UBR1: variants seen among roughly 807,000 people sequenced by gnomAD.
UBR1 encodes E3 ubiquitin-protein ligase UBR1.
In UBR1, 102 loss-of-function variants were observed where a neutral mutation model predicts 242.1. The observed-to-expected ratio is 0.42, with a 90% confidence interval of 0.36 to 0.50. The LOEUF is 0.50. UBR1 is among the 20% of genes least tolerant of loss of function. The pLI, the probability that UBR1 is intolerant of heterozygous loss-of-function variation, is 0.01. For synonymous variants in UBR1, 675 were observed against 684.8 expected, an observed-to-expected ratio of 0.99 and a Z score of 0.22; for missense variants, 1,772 against 2,101.8, an observed-to-expected ratio of 0.84 and a Z score of 3.07.
chr15:42,976,335 A>G (rs138107016), intron 39 of UBR1, among the ~76,000 whole-genome samples: 7 of 152,326 alleles, frequency 4.6e-5, no homozygotes, highest in Non-Finnish European at 8.8e-5. Flanking sequence ...GATAAATGCT[A>G]CAAGGGGAAG....
Position 43,028,148 on chromosome 15 carries a change from TTATG to T in UBR1, c.2380-324_2380-321del, listed in dbSNP as rs1411880266. Among the ~76,000 whole-genome samples, 4 of 152,188 alleles carry T rather than the reference TTATG, an allele frequency of 2.6e-5. No homozygotes were observed. The East Asian group carries it at 7.7e-4, about 29-fold the overall frequency. The stretch of plus-strand genomic sequence containing the variant: ...TACTTCAAAGAAAAGAAGCTCTTCT[TTATG>T]TAGTATGTTCATCACCCTCATCATT... On this transcript the variant is annotated intron_variant, in intron 21 of 46. Coordinates refer to ENST00000290650, the MANE Select transcript of UBR1 (RefSeq NM_174916.3).
chr15:43,026,692 T>C (rs2033182411), intron 22 of UBR1, 29 bp from the exon 23 acceptor site: 2 of 1,552,702 alleles, frequency 1.3e-6, no homozygotes, highest in Non-Finnish European at 1.8e-6. Context: ...CAAGATGAAC[T>C]GCAGTGTTCT....
At chr15:43,030,218 GAAT>G (rs1303090014) in intron 20 of UBR1, 150 bp from the exon 21 acceptor site, 44 of 907,308 alleles carry the variant, frequency 4.8e-5, no homozygotes, top group Non-Finnish European at 6.5e-5. Flanking sequence ...TCCCAAATCT[GAAT>G]AAGAATCTAT....
chr15:42,961,603 T>C (rs921360358), intron 42 of UBR1, among the ~76,000 whole-genome samples: 1 of 151,010 alleles, frequency 6.6e-6, no homozygotes, highest in African/African-American at 2.4e-5. Context: ...TTGTATTTCT[T>C]TTTTTTTAGT....
chr15:43,019,100 C>T (rs1208294073), intron 27 of UBR1, among the ~76,000 whole-genome samples: 1 of 151,636 alleles, frequency 6.6e-6, no homozygotes, highest in Non-Finnish European at 1.5e-5. Flanking sequence ...CTCGCTTTGT[C>T]GCCCACGCTG....
chr15:43,083,997 A>G (rs1400868651), intron 2 of UBR1, among the ~76,000 whole-genome samples: 4 of 152,098 alleles, frequency 2.6e-5, no homozygotes, highest in South Asian at 2.1e-4. Flanking sequence ...GTGAGCTGAG[A>G]TAGCGCCACT....
chr15:43,105,617 A>G (rs1272609109), intron 1 of UBR1, among the ~76,000 whole-genome samples: 2 of 152,170 alleles, frequency 1.3e-5, no homozygotes, highest in African/African-American at 4.8e-5. Flanking sequence ...TACTGCTTCT[A>G]TACGAAAATG....
At chr15:42,984,755 C>CT in intron 36 of UBR1, 132 bp downstream of exon 36, 1 of 806,826 alleles carries the variant, frequency 1.2e-6, no homozygotes, top group Non-Finnish European at 2.1e-6. Flanking sequence ...GATGCAGTTC[C>CT]TTTTTTCCCC....
intron 1 of UBR1, among the ~76,000 whole-genome samples, chr15:43,097,343 A>C (rs1044451164): frequency 1.6e-4 from 24 of 152,180 alleles, no homozygotes; most frequent in African/African-American, 5.6e-4. Context: ...CAACATACGC[A>C]GAGTAGCATA....
chr15:42,991,981 G>A lies in UBR1; in HGVS notation c.3758-1861C>T, dbSNP rs2141278008. 1.3e-5 allele frequency among the ~76,000 whole-genome samples: 2 copies of A among 151,964 alleles called. 1 individual carries two copies. Among genetic ancestry groups the A allele is most frequent in the East Asian group, 3.9e-4 (2 of 5,164 alleles). On this transcript the variant is annotated intron_variant, in intron 33 of 46. Coordinates refer to ENST00000290650, the MANE Select transcript of UBR1 (RefSeq NM_174916.3). ...TGCCCAGGCTGGTCTTGAATTCCTG[G>A]CCTCAAGTGATCTTCCTGCCTGAAC...
At position 43,071,120 on chromosome 15, in the gene UBR1, T is replaced by C. The variant is rs115864826; in HGVS notation, c.529-195A>G. ...TTAACCCCTTGTGGCCAAGTTGGTG[T>C]TACTGATGACAGAAAGGAGGCAGAA... On this transcript the variant is annotated intron_variant, in intron 4 of 46. Coordinates refer to ENST00000290650, the MANE Select transcript of UBR1 (RefSeq NM_174916.3). Among the ~76,000 whole-genome samples the C allele has an allele frequency of 8.6e-3, 1,316 of 152,320 alleles. 20 individuals carry two copies. Among genetic ancestry groups the C allele is most frequent in the African/African-American group, 0.03 (1,245 of 41,580 alleles).
intron 12 of UBR1, among the ~76,000 whole-genome samples, chr15:43,051,610 A>C (rs527767887): frequency 6.6e-6 from 1 of 152,226 alleles, no homozygotes; most frequent in Admixed American, 6.5e-5. Flanking sequence ...GCAGCTCCCC[A>C]GATGATTTGC....
intron 46 of UBR1, among the ~76,000 whole-genome samples, 183 bp downstream of exon 46, chr15:42,950,069 CCGCAAATGAT>C: frequency 6.6e-6 from 1 of 151,888 alleles, no homozygotes; most frequent in Non-Finnish European, 1.5e-5. Flanking sequence ...AAACTCCTGG[CCGCAAATGAT>C]CTGCCTGCTT....
At chr15:43,003,732 TAAG>T in intron 31 of UBR1, 102 bp downstream of exon 31, 1 of 1,042,204 alleles carries the variant, frequency 9.6e-7, no homozygotes, top group Admixed American at 1.8e-5. Flanking sequence ...ATTATTCAAA[TAAG>T]AAGAAAGGAA....
At chr15:43,010,039 T>C (rs894927741) in intron 29 of UBR1, among the ~76,000 whole-genome samples, 8 of 152,056 alleles carry the variant, frequency 5.3e-5, no homozygotes, top group Non-Finnish European at 7.4e-5. Flanking sequence ...GCCCAGCTAA[T>C]TTTTTTGTAT....
At chr15:42,961,584 G>A (rs537528808) in intron 42 of UBR1, among the ~76,000 whole-genome samples, 16 of 151,710 alleles carry the variant, frequency 1.1e-4, no homozygotes, top group Non-Finnish European at 2.1e-4. Context: ...CACCACGCCT[G>A]GCTAATTTTT....
chr15:42,977,764 C>A, intron 38 of UBR1, 116 bp downstream of exon 38: 11 of 869,100 alleles, frequency 1.3e-5, no homozygotes, highest in East Asian at 3.0e-5. Context: ...AGAGACCAAA[C>A]TTTATAGATT....
At position 42,990,039 on chromosome 15, in the gene UBR1, A is replaced by G; in HGVS notation, c.3839T>C (p.Val1280Ala). The G allele has an allele frequency of 3.1e-6, 5 of 1,608,538 alleles. No homozygotes were observed. Among genetic ancestry groups the G allele is most frequent in the Non-Finnish European group, 4.2e-6 (5 of 1,176,712 alleles). ...LEFHSILSFG[V>A]ESSIKYSNSI... is the part of the protein sequence containing the mutation. ...CTATTTAGATACTTACGAAGACTCAACGCCAAAACTCAGGATGGAATGGAA... is the reference window on the plus strand; with the variant it reads ...CTATTTAGATACTTACGAAGACTCAGCGCCAAAACTCAGGATGGAATGGAA... The change falls in exon 34 of 47, where the codon GTT becomes GCT. Residue 1280 changes from valine (V) to alanine (A), a missense_variant. Physicochemically the swap from Val to Ala is moderately conservative, Grantham distance 64 (BLOSUM62 0). This residue lies in a region of UBR1 where 965 missense variants were observed against 1,079.7 expected (regional missense o/e 0.89). Transcript: ENST00000290650.
intron 22 of UBR1, 150 bp downstream of exon 22, chr15:43,027,626 T>C (rs975907818): frequency 1.5e-6 from 1 of 657,436 alleles, no homozygotes; most frequent in Non-Finnish European, 2.6e-6. Flanking sequence ...GTGTCTACTG[T>C]GAGCCCCTCA....
Sources: gnomAD v4.1 joint callset for allele counts (sites outside exome capture counted in the v4.1 genomes callset) on GRCh38, gnomAD v4.1.1 for gene constraint, gnomAD v4.1.1 regional missense constraint, MANE v1.5 for transcripts, NCBI Gene and HGNC (gene_info 2026-07-23, HGNC 2026-07-21) for gene names.